The following GRK2 variants were observed in gnomAD, a reference collection of about 807,000 sequenced individuals.
GRK2 encodes adrenergic beta receptor kinase 1.
Under a neutral mutation model 97.8 loss-of-function variants are expected in GRK2, and 23 were observed. The observed-to-expected ratio is 0.24, with a 90% CI of 0.17 to 0.33. GRK2 has a LOEUF of 0.33. Among genes scored for constraint, GRK2 ranks in the 10% least tolerant of loss-of-function variants. The pLI is 1.00. For synonymous variants in GRK2, 425 were observed against 381.7 expected, an observed-to-expected ratio of 1.11 and a Z score of -1.32; for missense variants, 633 against 956.9, an observed-to-expected ratio of 0.66 and a Z score of 4.47.
intron 17 of GRK2, 96 bp downstream of exon 17, chr11:67,284,045 G>A: frequency 7.0e-7 from 1 of 1,420,840 alleles, no homozygotes; most frequent in Non-Finnish European, 9.7e-7. Context: ...CCCTGTGCCA[G>A]CCCTGCCAGC....
intron 18 of GRK2, chr11:67,284,632 C>G (rs1860230340): frequency 1.3e-6 from 1 of 748,450 alleles, no homozygotes; most frequent in Admixed American, 3.0e-5. Flanking sequence ...CAAAAAATAC[C>G]AAAAAAATTA....
chr11:67,280,570 G>A, intron 6 of GRK2, 162 bp from the exon 7 acceptor site: 2 of 819,896 alleles, frequency 2.4e-6, no homozygotes, highest in Admixed American at 2.0e-5. Context: ...GGGCGGGCAG[G>A]CCCTCAACAT....
Position 67,285,634 on chromosome 11 carries a change from C to G in GRK2, c.*184C>G. On this transcript the variant is annotated 3_prime_UTR_variant, in exon 21 of 21. Transcript: ENST00000308595. The stretch of plus-strand genomic sequence containing the variant: ...CCTGCTGCACCAACCCAGCCGCTGC[C>G]CGGCGCCCTCTGTCCTGACTTCAGG... 4.2e-6 allele frequency: 3 copies of G among 718,550 alleles called. No individual in the cohort carries two copies. The highest frequency in any genetic ancestry group is 6.5e-6 in the Non-Finnish European group (3 of 460,058). 44.5% of individuals were successfully genotyped at this position (718,550 alleles called of 1,614,324 possible). A position where few individuals can be genotyped will look rare whatever the true frequency, so the allele number is the denominator to read the frequency against.
intron 2 of GRK2, among the ~76,000 whole-genome samples, chr11:67,278,962 C>CT (rs1002364720): frequency 6.6e-6 from 1 of 152,246 alleles, no homozygotes; most frequent in Non-Finnish European, 1.5e-5. Context: ...CAGCTACCAC[C>CT]TGGGGAAACA....
intron 7 of GRK2, 92 bp downstream of exon 7, chr11:67,280,875 C>T (rs1860133946): frequency 6.9e-7 from 1 of 1,448,668 alleles, no homozygotes; most frequent in Admixed American, 1.7e-5. Context: ...AGGGGGAGGT[C>T]AGGGGATGTC....
At chr11:67,271,197 C>T (rs746872932) in intron 1 of GRK2, among the ~76,000 whole-genome samples, 2 of 152,234 alleles carry the variant, frequency 1.3e-5, no homozygotes, top group Non-Finnish European at 2.9e-5. Flanking sequence ...TACTCCCCGC[C>T]GGCTCCCCAT....
chr11:67,285,474 CCT>C lies in GRK2; in HGVS notation c.*27_*28del, dbSNP rs1432134538. ...GACCCGCCCACCCGCCTTTTATAAA[CCT>C]CTAATTTATTTTGTCGAATTTTTAT... On this transcript the variant is annotated 3_prime_UTR_variant, in exon 21 of 21. Coordinates refer to ENST00000308595, the MANE Select transcript of GRK2 (RefSeq NM_001619.5). 2 of 1,511,912 alleles carry C rather than the reference CCT, an allele frequency of 1.3e-6. No individual in the cohort carries two copies. Among genetic ancestry groups the C allele is most frequent in the Non-Finnish European group, 1.8e-6 (2 of 1,132,872 alleles). 93.7% of individuals were successfully genotyped at this position (1,511,912 alleles called of 1,614,324 possible). A position where few individuals can be genotyped will look rare whatever the true frequency, so the allele number is the denominator to read the frequency against.
At chr11:67,280,682 A>C in intron 6 of GRK2, 50 bp from the exon 7 acceptor site, 4 of 1,611,158 alleles carry the variant, frequency 2.5e-6, no homozygotes, top group Middle Eastern at 1.7e-4. Flanking sequence ...CGACAGCATC[A>C]TCCTTCCCAC....
In GRK2 at chr11:67,282,262, C is replaced by G; in HGVS notation, c.958-9C>G. The G allele has an allele frequency of 6.2e-7, 1 of 1,612,946 alleles. No individual in the cohort carries two copies. Among genetic ancestry groups the G allele is most frequent in the Non-Finnish European group, 8.5e-7 (1 of 1,179,646 alleles). On this transcript the variant is annotated splice_polypyrimidine_tract_variant and intron_variant, in intron 11 of 20. Transcript: ENST00000308595. The surrounding 1 kb of genome is among the most constrained non-coding windows in gnomAD (Gnocchi z 6.9). ...CTGCCCCAGGCAGCTCACTGGGCTT[C>G]CTTCACAGCCAGCCAACATCCTTCT... is the stretch of plus-strand genomic sequence containing the variant.
rs925769939 is a variant in GRK2 at position 67,269,132 on chromosome 11, C to T, written c.113+2320C>T. 6.6e-6 allele frequency among the ~76,000 whole-genome samples: 1 copy of T among 152,256 alleles called. No individual in the cohort carries two copies. Among genetic ancestry groups the T allele is most frequent in the African/African-American group, 2.4e-5 (1 of 41,462 alleles). Reference sequence around the variant, plus strand: ...CCTGGGGCATTAGGGAGCAGGCCACCCTTTGCATAACGCCTTGCCTTGCAC... The same window carrying T: ...CCTGGGGCATTAGGGAGCAGGCCACTCTTTGCATAACGCCTTGCCTTGCAC... On this transcript the variant is annotated intron_variant, in intron 1 of 20. Coordinates refer to ENST00000308595, the MANE Select transcript of GRK2 (RefSeq NM_001619.5). This position sits in a 1 kb window ranked among gnomAD's most constrained non-coding sequence, Gnocchi z 4.1.
chr11:67,282,453 G>A lies in GRK2; in HGVS notation c.1071G>A (p.Met357Ile). Residue 357 changes from methionine (M) to isoleucine (I), a missense_variant, in exon 13 of 21, where the codon ATG (methionine) becomes ATA (isoleucine). Physicochemically the swap from Met to Ile is conservative, Grantham distance 10 (BLOSUM62 1). Coordinates refer to ENST00000308595, the MANE Select transcript of GRK2 (RefSeq NM_001619.5). The surrounding 1 kb of genome is among the most constrained non-coding windows in gnomAD (Gnocchi z 6.9). Reference sequence around the variant, plus strand: ...CCCACAGGGGCACCCACGGGTACATGGCTCCGGAGGTCCTGCAGAAGGGCG... The same window carrying A: ...CCCACAGGGGCACCCACGGGTACATAGCTCCGGAGGTCCTGCAGAAGGGCG... The part of the protein sequence containing the change: ...PHASVGTHGY[M>I]APEVLQKGVA... 1 of 1,613,150 alleles carries A rather than the reference G, an allele frequency of 6.2e-7. No homozygotes were observed. Among genetic ancestry groups the A allele is most frequent in the African/African-American group, 1.3e-5 (1 of 75,002 alleles).
chr11:67,273,961 G>T (rs1156696261), intron 1 of GRK2, among the ~76,000 whole-genome samples: 64 of 151,878 alleles, frequency 4.2e-4, no homozygotes, highest in Non-Finnish European at 1.3e-4. Context: ...AAGTGGCAGT[G>T]GCTACTCCCT....
At chr11:67,273,833 G>A (rs921469979) in intron 1 of GRK2, among the ~76,000 whole-genome samples, 3 of 152,108 alleles carry the variant, frequency 2.0e-5, no homozygotes, top group African/African-American at 7.2e-5. Context: ...TTCCCAGGCC[G>A]GGGCTGACAG....
intron 1 of GRK2, among the ~76,000 whole-genome samples, chr11:67,268,724 T>C (rs1590844392): frequency 6.6e-6 from 1 of 152,300 alleles, no homozygotes; most frequent in East Asian, 1.9e-4. Context: ...CCCTTTCCCA[T>C]CCATGGTAGT....
rs906736232 is a variant in GRK2, at chr11:67,286,415, C to T, written c.*965C>T. 15 of 700,074 alleles carry T rather than the reference C, an allele frequency of 2.1e-5. No individual in the cohort carries two copies. The highest frequency in any genetic ancestry group is 1.2e-4 in the African/African-American group (7 of 57,074). 43.4% of individuals were successfully genotyped at this position (700,074 alleles called of 1,614,324 possible). The stretch of plus-strand genomic sequence containing the variant: ...CAGTCGCGCTGCCTGTGTGGTGTCG[C>T]GCCTTCTCCCCCCCGGGGCTGGGTT... On this transcript the variant is annotated 3_prime_UTR_variant, in exon 21 of 21. Transcript: ENST00000308595.
rs1396742308 is a variant in GRK2, at chr11:67,283,114, A to G, written c.1228-14A>G. On this transcript the variant is annotated splice_polypyrimidine_tract_variant and intron_variant, in intron 14 of 20. Transcript: ENST00000308595. ...CTTCCTAAGCCCCTGCTAATGTCCC[A>G]CTCCTCTCTAAAGGCCGTGGAGCTG... The G allele has an allele frequency of 8.1e-6, 13 of 1,612,058 alleles. No individual in the cohort carries two copies. In the South Asian group the frequency reaches 1.4e-4, roughly 18 times the overall value.
intron 2 of GRK2, among the ~76,000 whole-genome samples, chr11:67,278,342 C>T (rs1860076707): frequency 1.3e-5 from 2 of 152,180 alleles, no homozygotes; most frequent in African/African-American, 4.8e-5. Context: ...GCCTCTGTCC[C>T]CTGGTAGTGC....
Position 67,283,956 on chromosome 11 carries a change from G to T in GRK2, c.1491+7G>T, listed in dbSNP as rs1049222030. The T allele has an allele frequency of 6.3e-7, 1 of 1,595,786 alleles. No homozygotes were observed. Among genetic ancestry groups the T allele is most frequent in the Non-Finnish European group, 8.6e-7 (1 of 1,169,296 alleles). ...GGACACAAAAGGAATCAAGGTACTG[G>T]GCCTTGCCTGGCCTCTTGTACCTAG... is the stretch of plus-strand genomic sequence containing the variant. On this transcript the variant is annotated splice_region_variant and intron_variant, in intron 17 of 20. Coordinates refer to ENST00000308595, the MANE Select transcript of GRK2 (RefSeq NM_001619.5).
intron 6 of GRK2, 67 bp from the exon 7 acceptor site, chr11:67,280,665 A>T: frequency 6.4e-7 from 1 of 1,574,412 alleles, no homozygotes; most frequent in South Asian, 1.1e-5. Flanking sequence ...CTGGGTGGGG[A>T]GGCTCACGAC....
Sources: gnomAD v4.1 joint callset for allele counts (sites outside exome capture counted in the v4.1 genomes callset) on GRCh38, gnomAD v4.1.1 for gene constraint, Gnocchi (gnomAD v3.1) non-coding constraint, MANE v1.5 for transcripts, NCBI Gene and HGNC (gene_info 2026-07-23, HGNC 2026-07-21) for gene names.